The following PCDHA10 variants were observed in gnomAD, a reference collection of about 807,000 sequenced individuals.
The protein encoded by PCDHA10 is protocadherin alpha-10.
Under a neutral mutation model 61.2 loss-of-function variants are expected in PCDHA10, and 45 were observed. The ratio of observed to expected loss-of-function variants is 0.74; its 90% CI spans 0.58 to 0.94. The LOEUF (loss-of-function observed/expected upper bound fraction) is 0.94, where lower values mean the gene tolerates loss of function less well. Among genes scored for constraint, PCDHA10 ranks in the 40% least tolerant of loss-of-function variants. The pLI is 0.00. For synonymous variants in PCDHA10, 602 were observed against 548.8 expected (o/e 1.10, Z -1.35); for missense variants, 1,278 against 1,236.2 (o/e 1.03, Z -0.51).
intron 1 of PCDHA10, chr5:140,884,087 CT>C (rs782425411): frequency 6.2e-7 from 1 of 1,613,564 alleles, no homozygotes; most frequent in South Asian, 1.1e-5. Context: ...CAATGCGTGG[CT>C]TTCGTATGAA....
intron 1 of PCDHA10, among the ~76,000 whole-genome samples, chr5:140,973,810 T>C (rs1179978402): frequency 6.6e-6 from 1 of 152,230 alleles, no homozygotes; most frequent in Non-Finnish European, 1.5e-5. Context: ...CTTGACAGAA[T>C]AGCAAAGTCA....
At position 140,856,143 on chromosome 5, in the gene PCDHA10, A is replaced by G. The variant is rs782449893; in HGVS notation, c.95A>G (p.Tyr32Cys). 6 of 1,598,020 alleles carry G rather than the reference A, an allele frequency of 3.8e-6. 1 individual carries two copies. The South Asian group carries it at 6.6e-5, about 18-fold the overall frequency. Residue 32 changes from tyrosine to cysteine, a missense_variant, in exon 1 of 4, where the codon TAC (tyrosine) becomes TGC (cysteine). By Grantham distance (194) the Tyr-to-Cys change is radical. Coordinates refer to ENST00000307360, the MANE Select transcript of PCDHA10 (RefSeq NM_018901.4). ...GAGGTGGGGAGCGGCCAGCTCCACTACTCAGTCTACGAGGAGGCCAGACAC... is the reference window on the plus strand; with the variant it reads ...GAGGTGGGGAGCGGCCAGCTCCACTGCTCAGTCTACGAGGAGGCCAGACAC... ...AWEVGSGQLH[Y>C]SVYEEARHGT...
chr5:141,006,618 A>G (rs74748321), intron 3 of PCDHA10, among the ~76,000 whole-genome samples: 53 of 152,290 alleles, frequency 3.5e-4, no homozygotes, highest in African/African-American at 1.3e-3. Flanking sequence ...GAATAAGGAG[A>G]CTATTGCTGC....
At chr5:140,936,144 T>C (rs1386720304) in intron 1 of PCDHA10, among the ~76,000 whole-genome samples, 2 of 152,158 alleles carry the variant, frequency 1.3e-5, no homozygotes, top group African/African-American at 4.8e-5. Flanking sequence ...CTGCCCGCCT[T>C]GGCCTCCTAA....
At chr5:140,937,399 T>C (rs2091517737) in intron 1 of PCDHA10, among the ~76,000 whole-genome samples, 1 of 152,226 alleles carries the variant, frequency 6.6e-6, no homozygotes, top group African/African-American at 2.4e-5. Context: ...TATAGGGGTA[T>C]TGCACAACTT....
chr5:140,961,515 C>T (rs2095619049), intron 1 of PCDHA10, among the ~76,000 whole-genome samples: 1 of 152,092 alleles, frequency 6.6e-6, no homozygotes, highest in Admixed American at 6.5e-5. Flanking sequence ...TTTAATGTCT[C>T]CACAAATTCT....
In PCDHA10 at chr5:140,961,136, G is replaced by A. The variant is rs1474839905; in HGVS notation, c.2389-17813G>A. On this transcript the variant is annotated intron_variant, in intron 1 of 3. Coordinates refer to ENST00000307360, the MANE Select transcript of PCDHA10 (RefSeq NM_018901.4). ...TGCATCTTAATGTCTTGGCACTTAA[G>A]AGTTGGCATATTATTTCAGTACATA... is the stretch of plus-strand genomic sequence containing the variant. Among the ~76,000 whole-genome samples the A allele has an allele frequency of 3.9e-5, 6 of 152,270 alleles. No homozygotes were observed. The East Asian group carries it at 1.2e-3, about 29-fold the overall frequency.
chr5:140,943,465 G>C (rs1332571516), intron 1 of PCDHA10, among the ~76,000 whole-genome samples: 3 of 152,022 alleles, frequency 2.0e-5, no homozygotes, highest in African/African-American at 7.2e-5. Context: ...CTAAATGTGG[G>C]AGATACAGTA....
intron 1 of PCDHA10, chr5:140,876,450 G>T (rs2153340874): frequency 6.2e-7 from 1 of 1,614,012 alleles, no homozygotes; most frequent in Non-Finnish European, 8.5e-7. Context: ...TTGATAAAGG[G>T]ATTCCTTCCA....
chr5:140,892,763 C>G (rs1365366300), intron 1 of PCDHA10, among the ~76,000 whole-genome samples: 12 of 152,298 alleles, frequency 7.9e-5, no homozygotes, highest in Middle Eastern at 3.4e-3. Context: ...TTAAAATCCA[C>G]TCTTCTAGCT....
intron 1 of PCDHA10, among the ~76,000 whole-genome samples, chr5:140,887,801 G>C (rs1377550372): frequency 1.3e-5 from 2 of 151,856 alleles, no homozygotes; most frequent in Admixed American, 1.3e-4. Context: ...CTTTATTTTT[G>C]TCCATTTCTT....
intron 1 of PCDHA10, chr5:140,967,578 C>T (rs868970551): frequency 1.9e-6 from 3 of 1,614,000 alleles, no homozygotes; most frequent in Non-Finnish European, 2.5e-6. Flanking sequence ...GAGGACTCAC[C>T]CCCAGGCACA....
At chr5:140,949,234 A>C (rs2094354068) in intron 1 of PCDHA10, among the ~76,000 whole-genome samples, 1 of 151,820 alleles carries the variant, frequency 6.6e-6, no homozygotes, top group South Asian at 2.1e-4. Flanking sequence ...TCTGTGGCCC[A>C]GCAACAGTCT....
Position 141,009,823 on chromosome 5 carries a change from C to T in PCDHA10, c.2733C>T (p.Phe911=), listed in dbSNP as rs2098414711. Residue 911 remains phenylalanine, a synonymous_variant, in exon 4 of 4, where the codon TTC becomes TTT. Transcript: ENST00000307360. The part of the protein sequence containing the change: ...PTNSQIDKSD[F]ITFGKKEETK... ...ACAGCCAAATTGACAAAAGTGACTTCATAACCTTCGGCAAAAAGGAGGAGA... is the reference window on the plus strand; with the variant it reads ...ACAGCCAAATTGACAAAAGTGACTTTATAACCTTCGGCAAAAAGGAGGAGA... 4 of 1,614,030 alleles carry T rather than the reference C, an allele frequency of 2.5e-6. No individual in the cohort carries two copies. The highest frequency in any genetic ancestry group is 3.4e-6 in the Non-Finnish European group (4 of 1,180,010).
chr5:140,928,712 GT>G (rs782592622), intron 1 of PCDHA10: 1 of 1,614,168 alleles, frequency 6.2e-7, no homozygotes, highest in Non-Finnish European at 8.5e-7. Context: ...TCTGACTCTA[GT>G]CTCTTTAGAA....
intron 1 of PCDHA10, among the ~76,000 whole-genome samples, chr5:140,886,289 T>C (rs115070123): frequency 0.081 from 12,299 of 152,020 alleles, 542 homozygotes; most frequent in Middle Eastern, 0.13. Context: ...ATTATTTTTA[T>C]ATTTATTTAT....
intron 3 of PCDHA10, among the ~76,000 whole-genome samples, chr5:141,007,033 T>C (rs1357363669): frequency 6.6e-6 from 1 of 152,120 alleles, no homozygotes; most frequent in Non-Finnish European, 1.5e-5. Flanking sequence ...GGTATTTATA[T>C]CTATGGATAT....
chr5:140,976,990 A>G (rs1162326000), intron 1 of PCDHA10, among the ~76,000 whole-genome samples: 1 of 152,228 alleles, frequency 6.6e-6, no homozygotes. Flanking sequence ...TCTTACTGCC[A>G]TAAGAAATCT....
At chr5:140,890,923 C>T (rs535912661) in intron 1 of PCDHA10, among the ~76,000 whole-genome samples, 1 of 152,202 alleles carries the variant, frequency 6.6e-6, no homozygotes, top group East Asian at 1.9e-4. Context: ...TTGAGAGTTT[C>T]CTTTAGTCCA....
Sources: gnomAD v4.1 joint callset for allele counts (sites outside exome capture counted in the v4.1 genomes callset) on GRCh38, gnomAD v4.1.1 for gene constraint, MANE v1.5 for transcripts, NCBI Gene and HGNC (gene_info 2026-07-23, HGNC 2026-07-21) for gene names.